The following PCDH15 variants were observed in gnomAD, a reference collection of about 807,000 sequenced individuals.
The protein encoded by PCDH15 is protocadherin-15.
A neutral mutation model predicts 178.5 loss-of-function variants in PCDH15; 129 were observed. That is an observed-to-expected ratio of 0.72 (90% CI 0.63 to 0.84). The LOEUF is 0.84. Among genes scored for constraint, PCDH15 ranks in the 40% least tolerant of loss-of-function variants. PCDH15 has a pLI of 0.00. For synonymous variants in PCDH15, 800 were observed against 732.0 expected (o/e 1.09, Z -1.50); for missense variants, 2,230 against 2,099.9 (o/e 1.06, Z -1.21).
chr10:55,412,037 G>A (rs1366300386), intron 2 of PCDH15, among the ~76,000 whole-genome samples: 1 of 151,970 alleles, frequency 6.6e-6, no homozygotes, highest in Non-Finnish European at 1.5e-5. Flanking sequence ...AGACTGGAGG[G>A]GCTGGAAATG....
At chr10:55,264,973 C>T (rs1037352793) in intron 1 of PCDH15, among the ~76,000 whole-genome samples, 2 of 152,114 alleles carry the variant, frequency 1.3e-5, no homozygotes, top group Non-Finnish European at 2.9e-5. Flanking sequence ...TCAGGGAAGG[C>T]TGCAAGGGGC....
At chr10:54,598,395 G>A (rs2092346852) in intron 2 of PCDH15, among the ~76,000 whole-genome samples, 1 of 151,998 alleles carries the variant, frequency 6.6e-6, no homozygotes, top group Non-Finnish European at 1.5e-5. Flanking sequence ...CTCAATAGAT[G>A]CAGAAAGACT....
At chr10:55,609,992 G>A (rs1259991302) in intron 2 of PCDH15, among the ~76,000 whole-genome samples, 1 of 151,928 alleles carries the variant, frequency 6.6e-6, no homozygotes, top group Non-Finnish European at 1.5e-5. Context: ...AAAATAATAG[G>A]CAAAATAGAA....
intron 3 of PCDH15, among the ~76,000 whole-genome samples, chr10:54,398,971 T>C (rs1951589434): frequency 6.6e-6 from 1 of 152,278 alleles, no homozygotes; most frequent in Non-Finnish European, 1.5e-5. Flanking sequence ...CCAAACAGTA[T>C]GTTCTGCCAC....
intron 17 of PCDH15, among the ~76,000 whole-genome samples, chr10:54,076,443 T>C (rs2094343385): frequency 6.6e-6 from 1 of 152,102 alleles, no homozygotes; most frequent in Admixed American, 6.5e-5. Context: ...TTCTTCCTTT[T>C]CAAATTGGAT....
intron 2 of PCDH15, among the ~76,000 whole-genome samples, chr10:55,147,401 T>C (rs1838549204): frequency 6.6e-6 from 1 of 151,572 alleles, no homozygotes; most frequent in Admixed American, 6.6e-5. Flanking sequence ...TCATCAAATA[T>C]ACAATGTTAC....
chr10:55,031,876 T>C (rs1446446042), intron 2 of PCDH15, among the ~76,000 whole-genome samples: 1 of 152,190 alleles, frequency 6.6e-6, no homozygotes, highest in African/African-American at 2.4e-5. Flanking sequence ...TTGTTCTTTA[T>C]AAATTACCCA....
chr10:55,541,043 CG>C (rs1283649466), intron 2 of PCDH15, among the ~76,000 whole-genome samples: 8 of 151,990 alleles, frequency 5.3e-5, no homozygotes, highest in Non-Finnish European at 1.0e-4. Flanking sequence ...ACATAGGATT[CG>C]GCACAGGACC....
intron 7 of PCDH15, among the ~76,000 whole-genome samples, chr10:54,318,914 C>A (rs2061431860): frequency 6.6e-6 from 1 of 152,084 alleles, no homozygotes; most frequent in Non-Finnish European, 1.5e-5. Flanking sequence ...TTCTTGTTTC[C>A]CTTTCATTTC....
intron 8 of PCDH15, among the ~76,000 whole-genome samples, chr10:54,289,769 A>G (rs1433078469): frequency 6.6e-6 from 1 of 152,246 alleles, no homozygotes; most frequent in African/African-American, 2.4e-5. Flanking sequence ...TCAATGGCCA[A>G]TTCGATCAAG....
intron 3 of PCDH15, among the ~76,000 whole-genome samples, chr10:54,829,528 CA>C (rs1466143595): frequency 6.6e-6 from 1 of 151,938 alleles, no homozygotes; most frequent in Non-Finnish European, 1.5e-5. Flanking sequence ...GTTTGAAACT[CA>C]AAAAAGTTAA....
At chr10:54,196,838 TAAG>T in intron 10 of PCDH15, among the ~76,000 whole-genome samples, 1 of 152,240 alleles carries the variant, frequency 6.6e-6, no homozygotes, top group South Asian at 2.1e-4. Flanking sequence ...TGAGAACAAG[TAAG>T]AAGGTGGAAC....
intron 26 of PCDH15, among the ~76,000 whole-genome samples, chr10:53,876,930 G>A (rs1463590657): frequency 6.6e-6 from 1 of 151,984 alleles, no homozygotes; most frequent in African/African-American, 2.4e-5. Flanking sequence ...TTACAGGGCT[G>A]GGTTTCGGTT....
intron 14 of PCDH15, among the ~76,000 whole-genome samples, chr10:54,140,472 CTTTTT>C (rs546498025): frequency 6.2e-5 from 9 of 144,930 alleles, no homozygotes; most frequent in Non-Finnish European, 1.2e-4. Context: ...TTTATTTCTG[CTTTTT>C]TTTTTTTCTT....
intron 1 of PCDH15, among the ~76,000 whole-genome samples, chr10:54,767,179 A>G (rs962914684): frequency 1.3e-5 from 2 of 151,926 alleles, no homozygotes; most frequent in Non-Finnish European, 2.9e-5. Context: ...TTACGAGTTC[A>G]AAAATATTTT....
chr10:55,385,693 CTATATATATATA>C (rs57143868), intron 2 of PCDH15, among the ~76,000 whole-genome samples: 4 of 128,742 alleles, frequency 3.1e-5, no homozygotes, highest in African/African-American at 1.2e-4. Flanking sequence ...CTTCCTCTGC[CTATATATATATA>C]TATATATATA....
At chr10:54,734,586 C>T (rs1943833848) in intron 1 of PCDH15, among the ~76,000 whole-genome samples, 2 of 151,890 alleles carry the variant, frequency 1.3e-5, no homozygotes, top group Admixed American at 6.6e-5. Flanking sequence ...CTTATGATCA[C>T]TCAGAAATCT....
At chr10:55,503,343 T>C (rs985489216) in intron 2 of PCDH15, among the ~76,000 whole-genome samples, 1 of 148,716 alleles carries the variant, frequency 6.7e-6, no homozygotes, top group African/African-American at 2.4e-5. Context: ...GTTTTATTAA[T>C]TAAAATAAAT....
intron 8 of PCDH15, among the ~76,000 whole-genome samples, chr10:54,238,538 C>T (rs1020902164): frequency 6.6e-6 from 1 of 151,902 alleles, no homozygotes; most frequent in Non-Finnish European, 1.5e-5. Flanking sequence ...ACTCTATTCT[C>T]TCCTTTAAAC....
Sources: gnomAD v4.1 joint callset for allele counts (sites outside exome capture counted in the v4.1 genomes callset) on GRCh38, gnomAD v4.1.1 for gene constraint, MANE v1.5 for transcripts, NCBI Gene and HGNC (gene_info 2026-07-23, HGNC 2026-07-21) for gene names.